Variants in MGLL observed in about 807,000 individuals in gnomAD.
MGLL encodes the protein lysophospholipase homolog.
A neutral mutation model predicts 29.1 loss-of-function variants in MGLL; 7 were observed. The observed-to-expected ratio is 0.24, with a 90% CI of 0.14 to 0.45. MGLL has a LOEUF of 0.45. MGLL is among the 20% of genes least tolerant of loss of function. The probability of loss-of-function intolerance (pLI) is 0.99; values close to 1 mark genes in which losing one functional copy is unlikely to be tolerated. For synonymous variants in MGLL, 148 were observed against 168.3 expected (o/e 0.88, Z 0.93); for missense variants, 356 against 413.6 (o/e 0.86, Z 1.21).
At chr3:127,747,476 T>A (rs1364863924) in intron 3 of MGLL, among the ~76,000 whole-genome samples, 1 of 152,170 alleles carries the variant, frequency 6.6e-6, no homozygotes, top group Non-Finnish European at 1.5e-5. Flanking sequence ...TGCCTTGTGG[T>A]GTCTTTGTAT....
At chr3:127,767,090 C>A (rs980003247) in intron 3 of MGLL, among the ~76,000 whole-genome samples, 9 of 150,232 alleles carry the variant, frequency 6.0e-5, no homozygotes, top group African/African-American at 2.0e-4. Flanking sequence ...AACAAAAAAA[C>A]AAAAAAAACC....
intron 3 of MGLL, among the ~76,000 whole-genome samples, chr3:127,751,266 G>T (rs144687818): frequency 1.3e-5 from 2 of 151,988 alleles, no homozygotes; most frequent in African/African-American, 4.8e-5. Context: ...TGTCCATGCC[G>T]CTCTGCAAAG....
intron 3 of MGLL, among the ~76,000 whole-genome samples, chr3:127,749,917 G>A (rs2076525320): frequency 6.6e-6 from 1 of 152,202 alleles, no homozygotes; most frequent in South Asian, 2.1e-4. Flanking sequence ...TCCTAGCAAA[G>A]GGGACAGCAA....
At chr3:127,757,602 G>A (rs755963955) in intron 3 of MGLL, among the ~76,000 whole-genome samples, 9 of 152,130 alleles carry the variant, frequency 5.9e-5, no homozygotes, top group Non-Finnish European at 8.8e-5. Flanking sequence ...AGCAGGAATC[G>A]TAACTCCAAG....
chr3:127,815,053 C>T (rs1303708157), intron 2 of MGLL, among the ~76,000 whole-genome samples: 1 of 152,180 alleles, frequency 6.6e-6, no homozygotes, highest in Non-Finnish European at 1.5e-5. Flanking sequence ...GTCAAAGGTG[C>T]TTCACTTTTT....
At chr3:127,767,328 G>A (rs371500315) in intron 3 of MGLL, among the ~76,000 whole-genome samples, 25 of 152,358 alleles carry the variant, frequency 1.6e-4, no homozygotes, top group African/African-American at 5.8e-4. Context: ...TAAGCAGTCA[G>A]TGGCAAGGGC....
chr3:127,738,752 C>G (rs942333780), intron 3 of MGLL, among the ~76,000 whole-genome samples: 4 of 152,224 alleles, frequency 2.6e-5, no homozygotes, highest in Admixed American at 1.3e-4. Context: ...TGAGGGGCTT[C>G]TGCAGCAGGG....
At chr3:127,692,499 G>A (rs2075267264) in intron 7 of MGLL, among the ~76,000 whole-genome samples, 176 bp from the exon 8 acceptor site, 1 of 152,176 alleles carries the variant, frequency 6.6e-6, no homozygotes, top group South Asian at 2.1e-4. Context: ...TCAGAAGATG[G>A]TTCAAATGTG....
intron 2 of MGLL, among the ~76,000 whole-genome samples, chr3:127,807,719 C>T (rs1317385146): frequency 2.8e-5 from 4 of 142,300 alleles, no homozygotes; most frequent in African/African-American, 7.7e-5. Context: ...CTGACCCCTA[C>T]TCTGGCTAAT....
At chr3:127,798,229 CTT>C (rs2077417828) in intron 2 of MGLL, among the ~76,000 whole-genome samples, 1 of 152,196 alleles carries the variant, frequency 6.6e-6, no homozygotes, top group Non-Finnish European at 1.5e-5. Context: ...CACTCTTTTG[CTT>C]TTCTTCGTAT....
At chr3:127,715,231 G>C (rs1490543161) in intron 5 of MGLL, among the ~76,000 whole-genome samples, 1 of 152,220 alleles carries the variant, frequency 6.6e-6, no homozygotes, top group Non-Finnish European at 1.5e-5. Flanking sequence ...GAGCAGAAGT[G>C]CCTCTGACAG....
chr3:127,789,311 C>G (rs977972171), intron 2 of MGLL, among the ~76,000 whole-genome samples: 1 of 152,102 alleles, frequency 6.6e-6, no homozygotes, highest in Non-Finnish European at 1.5e-5. Context: ...TGAAAAGGCC[C>G]GGGACCCATC....
intron 6 of MGLL, among the ~76,000 whole-genome samples, chr3:127,703,759 G>A (rs1467495953): frequency 6.6e-6 from 1 of 152,196 alleles, no homozygotes; most frequent in Non-Finnish European, 1.5e-5. Context: ...AGAGGGAAAA[G>A]GCAGCCCACA....
At chr3:127,762,210 C>G (rs2076777591) in intron 3 of MGLL, among the ~76,000 whole-genome samples, 2 of 152,190 alleles carry the variant, frequency 1.3e-5, no homozygotes, top group South Asian at 4.1e-4. Context: ...GTTCTCTTTT[C>G]ATTTTGAGCA....
At chr3:127,741,891 A>G (rs940773177) in intron 3 of MGLL, among the ~76,000 whole-genome samples, 1 of 152,224 alleles carries the variant, frequency 6.6e-6, no homozygotes, top group African/African-American at 2.4e-5. Flanking sequence ...ACATTATTGC[A>G]TCATTTGTAC....
chr3:127,762,113 C>G (rs2076774948), intron 3 of MGLL, among the ~76,000 whole-genome samples: 1 of 152,158 alleles, frequency 6.6e-6, no homozygotes, highest in African/African-American at 2.4e-5. Flanking sequence ...AATATGAAGC[C>G]CTTCAGAAAG....
chr3:127,702,013 C>T (rs1245096200), intron 6 of MGLL, among the ~76,000 whole-genome samples: 1 of 152,200 alleles, frequency 6.6e-6, no homozygotes, highest in Non-Finnish European at 1.5e-5. Context: ...ACAGCTCTCA[C>T]CTGCTAGGGT....
chr3:127,799,540 A>G (rs569636378), intron 2 of MGLL: 10 of 152,296 alleles, frequency 6.6e-5, no homozygotes, highest in Admixed American at 4.6e-4. Context: ...GTATCCTACT[A>G]CAAGTGGGCT....
chr3:127,784,416 C>T (rs924581338), intron 2 of MGLL, among the ~76,000 whole-genome samples: 1 of 152,208 alleles, frequency 6.6e-6, no homozygotes, highest in African/African-American at 2.4e-5. Flanking sequence ...CTAAGTGGAA[C>T]TTAAGTGTGG....
Sources: gnomAD v4.1 joint callset for allele counts (sites outside exome capture counted in the v4.1 genomes callset) on GRCh38, gnomAD v4.1.1 for gene constraint, MANE v1.5 for transcripts, NCBI Gene and HGNC (gene_info 2026-07-23, HGNC 2026-07-21) for gene names.